SLC8A1: variants seen among roughly 807,000 people sequenced by gnomAD.
SLC8A1 encodes the protein solute carrier family 8 member A1.
Under a neutral mutation model 68.3 loss-of-function variants are expected in SLC8A1, and 18 were observed. The observed-to-expected ratio is 0.26, with a 90% CI of 0.18 to 0.39. SLC8A1 has a LOEUF of 0.39. SLC8A1 is among the 10% of genes least tolerant of loss of function. The pLI is 1.00. For synonymous variants in SLC8A1, 475 were observed against 415.5 expected (o/e 1.14, Z -1.74); for missense variants, 985 against 1,156.7 (o/e 0.85, Z 2.15).
In SLC8A1 at chr2:40,177,963, C is replaced by T. The variant is rs1016952725; in HGVS notation, c.1809-108G>A. On this transcript the variant is annotated intron_variant, in intron 2 of 7. Transcript: ENST00000406785. ...TGTGATGTTATGGAGGGAGAACTGGCAGCACATGGGCCTCCTGAAGTATGT... is the reference window on the plus strand; with the variant it reads ...TGTGATGTTATGGAGGGAGAACTGGTAGCACATGGGCCTCCTGAAGTATGT... 11 of 741,520 alleles carry T rather than the reference C, an allele frequency of 1.5e-5. No individual in the cohort carries two copies. The Admixed American group carries it at 1.9e-4, about 13-fold the overall frequency. The allele number at this position is 741,520 out of a possible 1,614,324, so 45.9% of individuals were successfully genotyped here. A position where few individuals can be genotyped will look rare whatever the true frequency, so the allele number is the denominator to read the frequency against.
At chr2:40,180,322 A>G (rs402777) in intron 2 of SLC8A1, among the ~76,000 whole-genome samples, 118,955 of 152,146 alleles carry the variant, frequency 0.78, 47,232 homozygotes, top group Middle Eastern at 0.86. Context: ...GAGAAGGCAC[A>G]GGAGGATGGA....
At chr2:40,457,634 A>G (rs1703100853) in intron 1 of SLC8A1, among the ~76,000 whole-genome samples, 2 of 152,242 alleles carry the variant, frequency 1.3e-5, no homozygotes, top group South Asian at 2.1e-4. Context: ...AGACTCATAC[A>G]GTGTGACCTA....
intron 2 of SLC8A1, among the ~76,000 whole-genome samples, chr2:40,320,103 A>C (rs2075007756): frequency 6.6e-6 from 1 of 152,112 alleles, no homozygotes; most frequent in Non-Finnish European, 1.5e-5. Flanking sequence ...CATTATCATC[A>C]TTACCATCAC....
chr2:40,295,037 A>G (rs1233865100), intron 2 of SLC8A1, among the ~76,000 whole-genome samples: 3 of 152,196 alleles, frequency 2.0e-5, no homozygotes, highest in African/African-American at 7.2e-5. Flanking sequence ...GAAAAATGAT[A>G]ACTACAGATA....
At chr2:40,258,803 C>G (rs2064293561) in intron 2 of SLC8A1, among the ~76,000 whole-genome samples, 1 of 151,922 alleles carries the variant, frequency 6.6e-6, no homozygotes, top group South Asian at 2.1e-4. Context: ...CATTGCGCCA[C>G]TGCACACCAG....
upstream of SLC8A1, chr2:40,453,328 GGAAGGTGGGA>G (rs1469647817): frequency 6.6e-6 from 1 of 152,160 alleles, no homozygotes; most frequent in Non-Finnish European, 1.5e-5. Context: ...AGCTACTTGG[GGAAGGTGGGA>G]GAAGGAGGGA....
chr2:40,381,094 C>T (rs1480223921), intron 2 of SLC8A1, among the ~76,000 whole-genome samples: 12 of 152,190 alleles, frequency 7.9e-5, no homozygotes, highest in Non-Finnish European at 1.5e-5. Flanking sequence ...TTTCCACCAA[C>T]CAGGCAAGCC....
exon 8 of SLC8A1, chr2:40,104,819 G>A (rs1242213472): frequency 1.3e-5 from 2 of 152,006 alleles, no homozygotes; most frequent in Non-Finnish European, 2.9e-5. Flanking sequence ...TATAGTTTAT[G>A]AGCCTATGAT....
At chr2:40,314,261 C>G (rs2149317334) in intron 2 of SLC8A1, among the ~76,000 whole-genome samples, 1 of 152,086 alleles carries the variant, frequency 6.6e-6, no homozygotes, top group East Asian at 1.9e-4. Flanking sequence ...ACAGAATTGC[C>G]TTGTATTTTT....
At chr2:40,314,084 C>T (rs1182608989) in intron 2 of SLC8A1, among the ~76,000 whole-genome samples, 1 of 151,884 alleles carries the variant, frequency 6.6e-6, no homozygotes, top group Non-Finnish European at 1.5e-5. Context: ...CTTTGCCTAA[C>T]CTAAGTTCTC....
At chr2:40,295,718 T>C (rs143896122) in intron 2 of SLC8A1, among the ~76,000 whole-genome samples, 75 of 152,334 alleles carry the variant, frequency 4.9e-4, no homozygotes, top group African/African-American at 1.8e-3. Flanking sequence ...TATATAGTGA[T>C]AATGTGATTG....
At chr2:40,503,870 T>C (rs1453089288) in intron 1 of SLC8A1, among the ~76,000 whole-genome samples, 2 of 151,974 alleles carry the variant, frequency 1.3e-5, no homozygotes, top group Non-Finnish European at 2.9e-5. Flanking sequence ...TGTTAAAATA[T>C]CTGTATTACC....
intron 2 of SLC8A1, among the ~76,000 whole-genome samples, chr2:40,184,898 C>CAAAAAAA (rs66662572): frequency 2.1e-3 from 220 of 105,750 alleles, no homozygotes; most frequent in East Asian, 8.6e-3. Context: ...TAACCAAAAA[C>CAAAAAAA]AAAAAAAAAA....
At chr2:40,150,799 T>C (rs1365216274) in intron 6 of SLC8A1, among the ~76,000 whole-genome samples, 1 of 152,214 alleles carries the variant, frequency 6.6e-6, no homozygotes, top group Non-Finnish European at 1.5e-5. Flanking sequence ...ATAATTGCTT[T>C]TTTTCTCCCA....
chr2:40,319,177 G>C lies in SLC8A1; in HGVS notation c.1808+109296C>G, dbSNP rs79654470. On this transcript the variant is annotated intron_variant, in intron 2 of 7. Coordinates refer to ENST00000406785, the Ensembl canonical transcript of SLC8A1. ...CTGAGAGAAATCCAAGCGATGGATTGTTTTATGAGATGCGTGTGATCACAA... is the reference window on the plus strand; with the variant it reads ...CTGAGAGAAATCCAAGCGATGGATTCTTTTATGAGATGCGTGTGATCACAA... Among the ~76,000 whole-genome samples, 591 of 152,174 alleles carry C rather than the reference G, an allele frequency of 3.9e-3. 5 individuals are homozygous for C. The highest frequency in any genetic ancestry group is 0.013 in the African/African-American group (547 of 41,536).
At chr2:40,344,215 C>T (rs766877707) in intron 2 of SLC8A1, among the ~76,000 whole-genome samples, 2 of 152,140 alleles carry the variant, frequency 1.3e-5, no homozygotes, top group Non-Finnish European at 1.5e-5. Flanking sequence ...ATGTCAACAG[C>T]AAAGTATCTA....
At chr2:40,240,991 T>C (rs189517859) in intron 2 of SLC8A1, among the ~76,000 whole-genome samples, 205 of 152,328 alleles carry the variant, frequency 1.3e-3, no homozygotes, top group African/African-American at 4.3e-3. Context: ...AGCAATCCCA[T>C]TATTGGGTAT....
chr2:40,133,704 C>CG (rs989103195), intron 7 of SLC8A1, among the ~76,000 whole-genome samples: 3 of 57,150 alleles, frequency 5.2e-5, no homozygotes, highest in Admixed American at 3.1e-4. Context: ...GCAAAAATCC[C>CG]CCCCCCCCAC....
chr2:40,161,047 C>G (rs1407169757), intron 5 of SLC8A1, among the ~76,000 whole-genome samples, 183 bp from the exon 9 acceptor site: 2 of 152,176 alleles, frequency 1.3e-5, no homozygotes, highest in Non-Finnish European at 2.9e-5. Flanking sequence ...TAGTTGGAAA[C>G]ATTCTGAAAT....
Sources: gnomAD v4.1 joint callset for allele counts (sites outside exome capture counted in the v4.1 genomes callset) on GRCh38, gnomAD v4.1.1 for gene constraint, MANE v1.5 for transcripts, NCBI Gene and HGNC (gene_info 2026-07-23, HGNC 2026-07-21) for gene names.